The following COMMD1 variants were observed in gnomAD, a reference collection of about 807,000 sequenced individuals.
COMMD1 encodes the protein COMM domain-containing protein 1.
A neutral mutation model predicts 17.2 loss-of-function variants in COMMD1; 10 were observed. The ratio of observed to expected loss-of-function variants is 0.58; its 90% CI spans 0.36 to 0.99. COMMD1 has a LOEUF of 0.99. Among genes scored for constraint, COMMD1 ranks in the 50% least tolerant of loss-of-function variants. The pLI is 0.01. For missense variants in COMMD1, 270 were observed against 231.8 expected (o/e 1.17, Z -1.07); for synonymous variants, 97 against 91.6 (o/e 1.06, Z -0.34).
In COMMD1 at chr2:61,945,316, T is replaced by G. The variant is rs997189344; in HGVS notation, c.180+39458T>G. 2.0e-5 allele frequency among the ~76,000 whole-genome samples: 3 copies of G among 152,190 alleles called. No individual in the cohort carries two copies. In the South Asian group the frequency reaches 6.2e-4, roughly 32 times the overall value. On this transcript the variant is annotated intron_variant, in intron 1 of 2. Coordinates refer to ENST00000311832, the MANE Select transcript of COMMD1 (RefSeq NM_152516.4). ...GAAGCAGGAAAACTTGCCTTCCTTG[T>G]TGGAGCAAGTAAAACTTCAGAAAAA...
At chr2:61,905,498 A>AT (rs1257153792), upstream of COMMD1, 1 of 601,476 alleles carries the variant, frequency 1.7e-6, no homozygotes, top group Non-Finnish European at 2.9e-6. Context: ...CCGTGGAGGT[A>AT]TCCTAAGGGG....
intron 2 of COMMD1, among the ~76,000 whole-genome samples, chr2:62,028,466 A>G (rs1669827831): frequency 6.6e-6 from 1 of 152,150 alleles, no homozygotes; most frequent in Admixed American, 6.5e-5. Context: ...AAGCAGTACT[A>G]TTTTCCTTCT....
intron 1 of COMMD1, among the ~76,000 whole-genome samples, chr2:61,990,143 C>T (rs1256225836): frequency 2.0e-5 from 3 of 152,104 alleles, no homozygotes; most frequent in Non-Finnish European, 2.9e-5. Flanking sequence ...AGAATATACA[C>T]TTAAGAGCTA....
intron 2 of COMMD1, among the ~76,000 whole-genome samples, chr2:62,013,600 G>T (rs1170254732): frequency 6.6e-6 from 1 of 152,190 alleles, no homozygotes; most frequent in African/African-American, 2.4e-5. Flanking sequence ...TGAGATAACG[G>T]CATGGAAATA....
intron 1 of COMMD1, among the ~76,000 whole-genome samples, chr2:61,911,961 T>G (rs1330822378): frequency 1.3e-5 from 2 of 152,198 alleles, no homozygotes; most frequent in Non-Finnish European, 2.9e-5. Flanking sequence ...TTCATGTGGC[T>G]TGTTCATTTG....
chr2:61,975,118 C>CTTTTTTTTT, intron 1 of COMMD1, among the ~76,000 whole-genome samples: 410 of 80,108 alleles, frequency 5.1e-3, no homozygotes, highest in East Asian at 7.5e-3. Context: ...TCATTTCTTT[C>CTTTTTTTTT]TTTTTTTTTT....
At chr2:61,920,981 A>AGATATATATATATATT (rs1670177404) in intron 1 of COMMD1, among the ~76,000 whole-genome samples, 1 of 141,400 alleles carries the variant, frequency 7.1e-6, no homozygotes, top group African/African-American at 2.7e-5. Context: ...ATATATATAT[A>AGATATATATATATATT]TTTTTTTTTT....
chr2:62,122,686 A>C (rs576834799), intron 2 of COMMD1, among the ~76,000 whole-genome samples: 1 of 152,374 alleles, frequency 6.6e-6, no homozygotes, highest in African/African-American at 2.4e-5. Flanking sequence ...GGCCTGGGCC[A>C]AAATACATGT....
In COMMD1 at chr2:62,125,803, G is replaced by A. The variant is rs554307975; in HGVS notation, c.463-10028G>A. Among the ~76,000 whole-genome samples the A allele has an allele frequency of 5.9e-5, 9 of 152,224 alleles. No homozygotes were observed. In the East Asian group the frequency reaches 1.5e-3, roughly 26 times the overall value. The stretch of plus-strand genomic sequence containing the variant: ...TTTTAAGTTCTGGGGTACATGTGCA[G>A]TATGTGCAGGTTTGTTACATAGGTA... On this transcript the variant is annotated intron_variant, in intron 2 of 2. Coordinates refer to ENST00000311832, the MANE Select transcript of COMMD1 (RefSeq NM_152516.4).
intron 2 of COMMD1, among the ~76,000 whole-genome samples, chr2:62,011,476 C>G (rs950145481): frequency 6.6e-6 from 1 of 152,062 alleles, no homozygotes; most frequent in African/African-American, 2.4e-5. Flanking sequence ...TGTCAGTGCT[C>G]CAGATTAGCA....
At chr2:62,052,576 C>T (rs1003817784) in intron 2 of COMMD1, among the ~76,000 whole-genome samples, 1 of 152,136 alleles carries the variant, frequency 6.6e-6, no homozygotes, top group Non-Finnish European at 1.5e-5. Context: ...GTACATATCT[C>T]CTGACATGAG....
At chr2:61,985,629 G>A (rs1322303051) in intron 1 of COMMD1, among the ~76,000 whole-genome samples, 1 of 151,576 alleles carries the variant, frequency 6.6e-6, no homozygotes, top group African/African-American at 2.4e-5. Context: ...TATTTTTTCT[G>A]TATCCTTTAT....
intron 2 of COMMD1, among the ~76,000 whole-genome samples, chr2:62,036,200 T>C (rs1199552074): frequency 6.6e-6 from 1 of 151,248 alleles, no homozygotes; most frequent in Non-Finnish European, 1.5e-5. Context: ...AGATAAACCT[T>C]CTATTTGCTA....
At chr2:61,892,289 A>C (rs1415312769) in intron 1 of COMMD1, among the ~76,000 whole-genome samples, 2 of 152,162 alleles carry the variant, frequency 1.3e-5, no homozygotes, top group African/African-American at 4.8e-5. Context: ...TTTACAAAAC[A>C]ATAATACTTT....
At chr2:61,933,038 G>A (rs983082237) in intron 1 of COMMD1, among the ~76,000 whole-genome samples, 1 of 152,090 alleles carries the variant, frequency 6.6e-6, no homozygotes, top group East Asian at 1.9e-4. Context: ...GGATTTTACT[G>A]GGCAATGGAA....
intron 1 of COMMD1, among the ~76,000 whole-genome samples, chr2:61,917,289 G>A (rs949742284): frequency 1.1e-4 from 16 of 151,668 alleles, no homozygotes; most frequent in African/African-American, 3.9e-4. Flanking sequence ...CCCGGGAGGC[G>A]GAGGTTGCAG....
intron 1 of COMMD1, among the ~76,000 whole-genome samples, chr2:61,947,030 C>T (rs1670926198): frequency 6.6e-6 from 1 of 152,248 alleles, no homozygotes; most frequent in East Asian, 1.9e-4. Flanking sequence ...AATTGTCTGT[C>T]ACATACCAGC....
At chr2:61,941,581 A>G (rs1035856897) in intron 1 of COMMD1, among the ~76,000 whole-genome samples, 3 of 152,128 alleles carry the variant, frequency 2.0e-5, no homozygotes, top group African/African-American at 7.2e-5. Flanking sequence ...TTGGTATTTT[A>G]TAGGGAGAGC....
chr2:61,888,786 G>T, exon 1 of COMMD1: 1 of 492,190 alleles, frequency 2.0e-6, no homozygotes, highest in Non-Finnish European at 3.6e-6. Flanking sequence ...GGTGAAGAGC[G>T]CCGGGGGAAC....
Sources: gnomAD v4.1 joint callset for allele counts (sites outside exome capture counted in the v4.1 genomes callset) on GRCh38, gnomAD v4.1.1 for gene constraint, MANE v1.5 for transcripts, NCBI Gene and HGNC (gene_info 2026-07-23, HGNC 2026-07-21) for gene names.